Variants in IDNK observed in about 807,000 individuals in gnomAD.
IDNK encodes the protein gluconokinase.
In IDNK, 9 loss-of-function variants were observed where a neutral mutation model predicts 13.0. The ratio of observed to expected loss-of-function variants is 0.69; its 90% CI spans 0.42 to 1.21. IDNK has a LOEUF of 1.21. Ranked by LOEUF, IDNK falls within the 50% of genes most tolerant of loss-of-function variation. The pLI is 0.00. For missense variants in IDNK, 210 were observed against 237.8 expected (o/e 0.88, Z 0.77); for synonymous variants, 92 against 94.9 (o/e 0.97, Z 0.18).
chr9:83,631,246 C>T (rs1831003383), intron 3 of IDNK, among the ~76,000 whole-genome samples: 1 of 151,652 alleles, frequency 6.6e-6, no homozygotes, highest in Non-Finnish European at 1.5e-5. Flanking sequence ...CTAGGGAGGA[C>T]GTGGGGAGAG....
intron 3 of IDNK, among the ~76,000 whole-genome samples, chr9:83,632,557 C>CAAAA (rs61214533): frequency 1.3e-5 from 1 of 78,556 alleles, no homozygotes; most frequent in African/African-American, 5.3e-5. Context: ...AGCTGATGAG[C>CAAAA]AAAAAAAAAA....
At chr9:83,628,424 G>A (rs1394426177) in intron 2 of IDNK, among the ~76,000 whole-genome samples, 1 of 152,136 alleles carries the variant, frequency 6.6e-6, no homozygotes, top group Non-Finnish European at 1.5e-5. Flanking sequence ...TGGGAGGTGG[G>A]CAGATCATGA....
At chr9:83,628,294 G>C (rs1299437706) in intron 2 of IDNK, 83 bp downstream of exon 2, 1 of 1,203,924 alleles carries the variant, frequency 8.3e-7, no homozygotes, top group Non-Finnish European at 1.2e-6. Flanking sequence ...TTTCTGCTTT[G>C]TACAGACACT....
chr9:83,630,903 A>G (rs1334347481), intron 3 of IDNK, among the ~76,000 whole-genome samples: 1 of 152,208 alleles, frequency 6.6e-6, no homozygotes, highest in Non-Finnish European at 1.5e-5. Context: ...CAAGTTACTT[A>G]CTAAATTTTT....
At chr9:83,627,091 T>C (rs1830873549) in intron 1 of IDNK, 1 of 152,492 alleles carries the variant, frequency 6.6e-6, no homozygotes, top group African/African-American at 2.4e-5. Context: ...GAAAGTTTCC[T>C]TCTTTAACAC....
chr9:83,641,708 C>A (rs1831314705), intron 4 of IDNK, 117 bp downstream of exon 4: 1 of 1,057,406 alleles, frequency 9.5e-7, no homozygotes, highest in Non-Finnish European at 1.4e-6. Context: ...GTAAAGGATT[C>A]TAGAAACTGG....
intron 3 of IDNK, among the ~76,000 whole-genome samples, chr9:83,636,458 T>C (rs1213018165): frequency 6.6e-6 from 1 of 152,194 alleles, no homozygotes; most frequent in Non-Finnish European, 1.5e-5. Context: ...AAACACTGAA[T>C]TGCAATGGTA....
rs151334304 is a variant in IDNK at position 83,643,516 on chromosome 9, T to C, written c.300T>C (p.Gly100=). 406 of 1,613,672 alleles carry C rather than the reference T, an allele frequency of 2.5e-4. 1 individual carries two copies. The African/African-American group carries it at 5.0e-3, about 20-fold the overall frequency. The change falls in exon 5 of 5, where the codon GGT becomes GGC. Residue 100 remains glycine, a synonymous_variant. Coordinates refer to ENST00000376419, the MANE Select transcript of IDNK (RefSeq NM_001001551.4). ...YRDILTQGKD[G]VALKCEESGK... is the part of the protein sequence containing the mutation. ...ACATATTAACACAAGGAAAAGATGGTGTAGCTCTGAAGTGTGAGGAGTCGG... is the reference window on the plus strand; with the variant it reads ...ACATATTAACACAAGGAAAAGATGGCGTAGCTCTGAAGTGTGAGGAGTCGG...
intron 3 of IDNK, among the ~76,000 whole-genome samples, chr9:83,638,715 C>A (rs916679132): frequency 6.6e-6 from 1 of 151,986 alleles, no homozygotes. Context: ...ACAATAAAGG[C>A]CCAAACAAAA....
At chr9:83,639,373 T>C (rs1021955571) in intron 3 of IDNK, among the ~76,000 whole-genome samples, 1 of 152,128 alleles carries the variant, frequency 6.6e-6, no homozygotes, top group Non-Finnish European at 1.5e-5. Context: ...AGTAACGAGC[T>C]AGTTGCTCAG....
At chr9:83,641,741 C>T in intron 4 of IDNK, 150 bp downstream of exon 4, 1 of 807,874 alleles carries the variant, frequency 1.2e-6, no homozygotes, top group Non-Finnish European at 2.0e-6. Flanking sequence ...CAGGTAACCA[C>T]AATGATTTCA....
chr9:83,636,494 G>C (rs1009932300), intron 3 of IDNK, among the ~76,000 whole-genome samples: 1 of 152,146 alleles, frequency 6.6e-6, no homozygotes, highest in Non-Finnish European at 1.5e-5. Context: ...AATGTAGACT[G>C]CCCAACTTTT....
chr9:83,623,268 C>T, intron 1 of IDNK, 47 bp downstream of exon 1: 2 of 1,361,316 alleles, frequency 1.5e-6, no homozygotes, highest in Non-Finnish European at 1.9e-6. Context: ...GTGTTGCGGG[C>T]GCGGCGGAGG....
chr9:83,623,498 G>C (rs1830761679), intron 1 of IDNK: 4 of 422,230 alleles, frequency 9.5e-6, no homozygotes. Context: ...AGCCGCTCCT[G>C]AACAGGCGGC....
chr9:83,628,863 G>A lies in IDNK; in HGVS notation c.82-10G>A. ...CCTGCCACATACACCCTTTCACTTT[G>A]TTCTTAAAGCTGGGATGGAAATTCT... On this transcript the variant is annotated splice_polypyrimidine_tract_variant and intron_variant, in intron 2 of 4. Transcript: ENST00000376419. 1.2e-6 allele frequency: 2 copies of A among 1,608,294 alleles called. No individual in the cohort carries two copies. The highest frequency in any genetic ancestry group is 1.7e-6 in the Non-Finnish European group (2 of 1,174,714).
intron 3 of IDNK, among the ~76,000 whole-genome samples, chr9:83,635,757 C>T (rs1831147824): frequency 6.6e-6 from 1 of 152,240 alleles, no homozygotes. Flanking sequence ...TCCTCATTTT[C>T]TCAAAGATAA....
intron 3 of IDNK, among the ~76,000 whole-genome samples, chr9:83,633,290 G>C (rs1455606737): frequency 6.6e-6 from 1 of 152,008 alleles, no homozygotes; most frequent in Non-Finnish European, 1.5e-5. Context: ...AGTGAGCCAA[G>C]ATCACACCAC....
chr9:83,642,008 T>C (rs957421388), intron 4 of IDNK, among the ~76,000 whole-genome samples: 2 of 152,256 alleles, frequency 1.3e-5, no homozygotes, highest in African/African-American at 4.8e-5. Context: ...ACTTCTGTTA[T>C]TGCCTATCTC....
chr9:83,638,495 T>C (rs1247992150), intron 3 of IDNK, among the ~76,000 whole-genome samples: 1 of 152,042 alleles, frequency 6.6e-6, no homozygotes, highest in East Asian at 1.9e-4. Flanking sequence ...CCCAAGTAAA[T>C]AGAATAGGAG....
Sources: allele counts gnomAD v4.1 joint callset (sites outside exome capture counted in the v4.1 genomes callset), GRCh38; gene constraint gnomAD v4.1.1; transcripts MANE v1.5; gene names NCBI Gene and HGNC (gene_info 2026-07-23, HGNC 2026-07-21).